The following CSMD1 variants were observed in gnomAD, a reference collection of about 807,000 sequenced individuals.
CSMD1 encodes CUB and sushi domain-containing protein 1.
CSMD1 carries 213 observed loss-of-function variants against 417.5 expected under a neutral mutation model. That is an observed-to-expected ratio of 0.51 (90% CI 0.46 to 0.57). CSMD1 has a LOEUF of 0.57. Ranked by LOEUF, CSMD1 falls within the 20% of genes least tolerant of loss-of-function variation. CSMD1 has a pLI of 0.00. For synonymous variants in CSMD1, 2,862 were observed against 1,736.8 expected (o/e 1.65, Z -16.11); for missense variants, 6,923 against 4,529.7 (o/e 1.53, Z -15.17).
At chr8:3,012,619 T>C (rs921385450) in intron 52 of CSMD1, among the ~76,000 whole-genome samples, 1 of 152,208 alleles carries the variant, frequency 6.6e-6, no homozygotes, top group Non-Finnish European at 1.5e-5. Context: ...GAAAACATAT[T>C]GGACCTAAGG....
intron 25 of CSMD1, among the ~76,000 whole-genome samples, chr8:3,302,101 C>G (rs182645630): frequency 6.6e-6 from 1 of 151,974 alleles, no homozygotes. Flanking sequence ...TAAAGTCTCC[C>G]GCCCCTTGGA....
At chr8:3,086,351 C>T (rs1029680914) in intron 49 of CSMD1, among the ~76,000 whole-genome samples, 1 of 152,084 alleles carries the variant, frequency 6.6e-6, no homozygotes, top group African/African-American at 2.4e-5. Flanking sequence ...CAACTTCTTA[C>T]AGTCAAAGGC....
At position 3,870,655 on chromosome 8, in the gene CSMD1, C is replaced by CT. The variant is rs200174635; in HGVS notation, c.819-116614dup. On this transcript the variant is annotated intron_variant, in intron 5 of 69. Coordinates refer to ENST00000635120, the MANE Select transcript of CSMD1 (RefSeq NM_033225.6). ...GTGAAATGGGATCTACTTATTTTTG[C>CT]TTTTATTTACCTGAATATTAGAGGG... Among the ~76,000 whole-genome samples, 140 of 152,124 alleles carry CT rather than the reference C, an allele frequency of 9.2e-4. 1 individual carries two copies. In the East Asian group the frequency reaches 0.024, roughly 26 times the overall value.
intron 1 of CSMD1, among the ~76,000 whole-genome samples, chr8:4,932,529 G>A (rs191884769): frequency 6.6e-6 from 1 of 152,264 alleles, no homozygotes; most frequent in East Asian, 1.9e-4. Flanking sequence ...TATTCACCTA[G>A]AAGCTAATAG....
At position 3,455,918 on chromosome 8, in the gene CSMD1, A is replaced by T. The variant is rs1816093831; in HGVS notation, c.1561+12794T>A. Among the ~76,000 whole-genome samples, 10 of 152,330 alleles carry T rather than the reference A, an allele frequency of 6.6e-5. No homozygotes were observed. In the South Asian group the frequency reaches 1.9e-3, roughly 28 times the overall value. ...TGCCCTGCCCCCAGAGGTGGAGTCT[A>T]CAGAGGCAGGCAGGCCTCCTTGAGC... On this transcript the variant is annotated intron_variant, in intron 12 of 69. Transcript: ENST00000635120.
At chr8:4,787,561 G>C in intron 1 of CSMD1, 1 of 1,460,002 alleles carries the variant, frequency 6.8e-7, no homozygotes, top group South Asian at 1.2e-5. Flanking sequence ...AATGTGGGGA[G>C]ACAGCTTTCA....
intron 1 of CSMD1, among the ~76,000 whole-genome samples, chr8:4,747,126 T>G (rs1436240608): frequency 6.6e-6 from 1 of 152,146 alleles, no homozygotes; most frequent in East Asian, 1.9e-4. Flanking sequence ...CTCCTGCTCC[T>G]AAGAGGTTGA....
intron 3 of CSMD1, among the ~76,000 whole-genome samples, chr8:4,275,487 G>A (rs1339557958): frequency 2.3e-5 from 3 of 131,830 alleles, no homozygotes; most frequent in Non-Finnish European, 5.1e-5. Context: ...ATCTCGTAGA[G>A]GGAGTGATAG....
intron 3 of CSMD1, among the ~76,000 whole-genome samples, chr8:4,043,036 G>A (rs562106965): frequency 2.0e-5 from 3 of 152,060 alleles, no homozygotes; most frequent in South Asian, 4.2e-4. Context: ...GGAGGTTGAA[G>A]CAGGAGAATC....
chr8:3,111,499 G>C (rs1473147550), intron 42 of CSMD1, among the ~76,000 whole-genome samples: 2 of 152,102 alleles, frequency 1.3e-5, no homozygotes, highest in African/African-American at 4.8e-5. Flanking sequence ...ATTCTATGAG[G>C]TCAGGGTCTG....
chr8:4,184,746 G>C (rs1218478533), intron 3 of CSMD1, among the ~76,000 whole-genome samples: 1 of 146,926 alleles, frequency 6.8e-6, no homozygotes, highest in African/African-American at 2.5e-5. Flanking sequence ...AATGGGTACT[G>C]GGCTTAATAC....
chr8:4,285,085 A>G (rs1042938522), intron 3 of CSMD1, among the ~76,000 whole-genome samples: 3 of 152,196 alleles, frequency 2.0e-5, no homozygotes, highest in Non-Finnish European at 4.4e-5. Context: ...AGTGTGTAGG[A>G]AAGTTTTGCT....
intron 10 of CSMD1, among the ~76,000 whole-genome samples, chr8:3,494,440 G>A (rs1563091837): frequency 6.6e-6 from 1 of 152,092 alleles, no homozygotes; most frequent in Non-Finnish European, 1.5e-5. Context: ...CTAGAACCCT[G>A]GGTAGTAAGG....
Position 4,420,000 on chromosome 8 carries a change from G to C in CSMD1, c.368C>G (p.Thr123Arg). Residue 123 changes from threonine (T) to arginine (R), a missense_variant, in exon 3 of 70, where the codon ACG becomes AGG. Transcript: ENST00000635120. ...TTGGGCACTCACAGCGAAGTCTGTCGTGAACCACAGAGTGAGGATAGATCC... is the reference window on the plus strand; with the variant it reads ...TTGGGCACTCACAGCGAAGTCTGTCCTGAACCACAGAGTGAGGATAGATCC... ...STGSILTLWF[T>R]TDFAVSAQGF... 1 of 1,589,114 alleles carries C rather than the reference G, an allele frequency of 6.3e-7. No individual in the cohort carries two copies. Among genetic ancestry groups the C allele is most frequent in the Non-Finnish European group, 8.6e-7 (1 of 1,166,802 alleles).
rs966722885 is a variant in CSMD1 at position 3,885,274 on chromosome 8, G to C, written c.818+112629C>G. On this transcript the variant is annotated intron_variant, in intron 5 of 69. Transcript: ENST00000635120. The stretch of plus-strand genomic sequence containing the variant: ...CTGAAAAGCCTCTAGCATCAGACAG[G>C]TGTGAGTTATAGAATCAATCTGACC... Among the ~76,000 whole-genome samples the C allele has an allele frequency of 2.0e-5, 3 of 152,070 alleles. No homozygotes were observed. In the South Asian group the frequency reaches 6.2e-4, roughly 32 times the overall value.
chr8:3,357,676 G>A (rs1356263969), intron 21 of CSMD1, among the ~76,000 whole-genome samples: 1 of 152,094 alleles, frequency 6.6e-6, no homozygotes, highest in South Asian at 2.1e-4. Flanking sequence ...CATTGAGTTG[G>A]GGGTTTTGTC....
intron 3 of CSMD1, among the ~76,000 whole-genome samples, chr8:4,337,664 T>G (rs1033252508): frequency 6.6e-6 from 1 of 152,196 alleles, no homozygotes; most frequent in East Asian, 1.9e-4. Flanking sequence ...CAGATTATTC[T>G]CACAGACAAT....
At chr8:3,997,744 G>A (rs950011893) in intron 5 of CSMD1, among the ~76,000 whole-genome samples, 159 bp downstream of exon 5, 13 of 152,124 alleles carry the variant, frequency 8.5e-5, no homozygotes, top group African/African-American at 2.9e-4. Flanking sequence ...ATTACTCACA[G>A]TAAAGGTAAC....
intron 1 of CSMD1, among the ~76,000 whole-genome samples, chr8:4,790,935 G>A (rs753837431): frequency 9.2e-5 from 14 of 152,080 alleles, no homozygotes; most frequent in Non-Finnish European, 1.8e-4. Flanking sequence ...AAGACTTAAC[G>A]GCAAAGACTC....
Sources: allele counts gnomAD v4.1 joint callset (sites outside exome capture counted in the v4.1 genomes callset), GRCh38; gene constraint gnomAD v4.1.1; transcripts MANE v1.5; gene names NCBI Gene and HGNC (gene_info 2026-07-23, HGNC 2026-07-21).